LYRM4: variants seen among roughly 807,000 people sequenced by gnomAD.
LYRM4 encodes the protein LYR motif containing 4.
Under a neutral mutation model 11.7 loss-of-function variants are expected in LYRM4, and 9 were observed. The ratio of observed to expected loss-of-function variants is 0.77; its 90% CI spans 0.46 to 1.34. The LOEUF is 1.34. Ranked by LOEUF, LYRM4 falls within the 40% of genes most tolerant of loss-of-function variation. The pLI is 0.00. For synonymous variants in LYRM4, 42 were observed against 40.4 expected, an observed-to-expected ratio of 1.04 and a Z score of -0.15; for missense variants, 133 against 112.5, an observed-to-expected ratio of 1.18 and a Z score of -0.82.
chr6:5,057,677 A>T, the LYRM4 span, among the ~76,000 whole-genome samples: 1 of 150,976 alleles, frequency 6.6e-6, no homozygotes, highest in Non-Finnish European at 1.5e-5. Flanking sequence ...ATCGCACCAC[A>T]GCACTCTAGC....
chr6:5,064,525 A>G, the LYRM4 span, among the ~76,000 whole-genome samples: 1 of 152,270 alleles, frequency 6.6e-6, no homozygotes, highest in East Asian at 1.9e-4. Context: ...ACATTGATAC[A>G]TTCTTTTGTA....
chr6:5,242,352 G>A (rs1186265315), intron 1 of LYRM4, among the ~76,000 whole-genome samples: 1 of 150,338 alleles, frequency 6.7e-6, no homozygotes, highest in Admixed American at 6.6e-5. Context: ...GATTACAGGC[G>A]TGAGCCACTG....
the LYRM4 span, among the ~76,000 whole-genome samples, chr6:5,049,694 G>T: frequency 6.7e-6 from 1 of 148,218 alleles, no homozygotes; most frequent in Admixed American, 6.7e-5. Flanking sequence ...TTTGGAGACA[G>T]AGTCTTGCTT....
chr6:5,235,300 G>A (rs898782225), intron 1 of LYRM4, among the ~76,000 whole-genome samples: 2 of 151,578 alleles, frequency 1.3e-5, no homozygotes, highest in Admixed American at 6.6e-5. Context: ...GAGCCACTGC[G>A]CCTGGCACAC....
intron 1 of LYRM4, among the ~76,000 whole-genome samples, chr6:5,231,718 T>C (rs557702007): frequency 7.9e-5 from 12 of 152,304 alleles, no homozygotes; most frequent in African/African-American, 1.4e-4. Context: ...GTAAACAACA[T>C]GAGACCCGGA....
At chr6:5,112,165 G>A (rs1483836091) in intron 2 of LYRM4, among the ~76,000 whole-genome samples, 1 of 152,162 alleles carries the variant, frequency 6.6e-6, no homozygotes, top group Non-Finnish European at 1.5e-5. Context: ...CGCTCGCGAA[G>A]CCCGTGCTCC....
At chr6:5,086,131 C>A in the LYRM4 span, 8 of 1,479,696 alleles carry the variant, frequency 5.4e-6, no homozygotes, top group Non-Finnish European at 7.1e-6. Context: ...TCTGCAGCGG[C>A]AGCGCGTGTG....
At chr6:5,179,698 T>G (rs1759961169) in intron 2 of LYRM4, among the ~76,000 whole-genome samples, 1 of 152,256 alleles carries the variant, frequency 6.6e-6, no homozygotes, top group South Asian at 2.1e-4. Flanking sequence ...TACACCTGTT[T>G]GCTACTGTGA....
chr6:5,189,610 C>T (rs1259220491), intron 2 of LYRM4, among the ~76,000 whole-genome samples: 1 of 152,214 alleles, frequency 6.6e-6, no homozygotes, highest in Non-Finnish European at 1.5e-5. Context: ...CATTATTCCA[C>T]ATGGTGCCTA....
intron 1 of LYRM4, among the ~76,000 whole-genome samples, chr6:5,260,340 T>A: frequency 6.7e-6 from 1 of 149,886 alleles, no homozygotes; most frequent in East Asian, 1.9e-4. Context: ...TTTCCATCCC[T>A]TTTTTCTCTT....
intron 2 of LYRM4, among the ~76,000 whole-genome samples, chr6:5,134,589 A>G (rs1368034196): frequency 3.3e-5 from 5 of 152,240 alleles, no homozygotes; most frequent in Admixed American, 6.5e-5. Context: ...AAATAGTTTA[A>G]TATGAAAACG....
intron 2 of LYRM4, among the ~76,000 whole-genome samples, chr6:5,165,755 G>A (rs1400182457): frequency 1.3e-5 from 2 of 152,116 alleles, no homozygotes; most frequent in African/African-American, 2.4e-5. Flanking sequence ...GGTGGCTAGA[G>A]TGGTCTCGAA....
At chr6:5,056,466 T>C in the LYRM4 span, among the ~76,000 whole-genome samples, 1 of 152,232 alleles carries the variant, frequency 6.6e-6, no homozygotes, top group East Asian at 1.9e-4. Context: ...TACATTACAG[T>C]CAGTTTATCT....
At position 5,152,149 on chromosome 6, in the gene LYRM4, C is replaced by G. The variant is rs1175084790; in HGVS notation, c.208-42658G>C. ...TGGAAAGGACCTTAGAGAAAAATCACTGACCCAACTTCATTCTATAGATGA... is the reference window on the plus strand; with the variant it reads ...TGGAAAGGACCTTAGAGAAAAATCAGTGACCCAACTTCATTCTATAGATGA... On this transcript the variant is annotated intron_variant, in intron 2 of 2. Transcript: ENST00000330636. Among the ~76,000 whole-genome samples, 3 of 152,218 alleles carry G rather than the reference C, an allele frequency of 2.0e-5. No homozygotes were observed. The East Asian group carries it at 5.8e-4, about 29-fold the overall frequency.
At chr6:5,066,768 T>C in the LYRM4 span, 1 of 743,818 alleles carries the variant, frequency 1.3e-6, no homozygotes, top group Non-Finnish European at 2.4e-6. Context: ...TACGTAACGC[T>C]TAAAGTCTAA....
chr6:5,260,715 C>A lies in LYRM4; in HGVS notation c.19G>T (p.Ala7Ser). ...GCCCGGTACAGAGATAACACTTGTG[C>A]GCGACTGGAGGCTGCCATTTTGGAA... MAASSR[A>S]QVLSLYRAML... Residue 7 changes from alanine (A) to serine (S), a missense_variant, in exon 1 of 3, where the codon GCA becomes TCA. Physicochemically the swap from Ala to Ser is moderately conservative, Grantham distance 99. Transcript: ENST00000330636. 1 of 1,549,266 alleles carries A rather than the reference C, an allele frequency of 6.5e-7. No homozygotes were observed. Among genetic ancestry groups the A allele is most frequent in the Non-Finnish European group, 8.7e-7 (1 of 1,147,634 alleles).
the LYRM4 span, chr6:5,085,698 G>A: frequency 9.2e-5 from 142 of 1,547,762 alleles, no homozygotes; most frequent in African/African-American, 1.7e-3. Flanking sequence ...AGGAGCAGGA[G>A]GAGCTGCTGG....
intron 2 of LYRM4, among the ~76,000 whole-genome samples, chr6:5,181,978 T>C (rs1295078960): frequency 6.6e-6 from 1 of 152,182 alleles, no homozygotes; most frequent in Non-Finnish European, 1.5e-5. Flanking sequence ...TTGTTCCTTA[T>C]TGCTGTTAAG....
At chr6:5,094,745 G>C in the LYRM4 span, among the ~76,000 whole-genome samples, 2 of 152,098 alleles carry the variant, frequency 1.3e-5, no homozygotes, top group Admixed American at 6.6e-5. Flanking sequence ...GTATGGTGGT[G>C]TTTCTGTATG....
Sources: gnomAD v4.1 joint callset for allele counts (sites outside exome capture counted in the v4.1 genomes callset) on GRCh38, gnomAD v4.1.1 for gene constraint, MANE v1.5 for transcripts, NCBI Gene and HGNC (gene_info 2026-07-23, HGNC 2026-07-21) for gene names.